The following CSMD1 variants were observed in gnomAD, a reference collection of about 807,000 sequenced individuals.
The protein encoded by CSMD1 is CUB and sushi domain-containing protein 1.
A neutral mutation model predicts 417.5 loss-of-function variants in CSMD1; 213 were observed. That is an observed-to-expected ratio of 0.51 (90% CI 0.46 to 0.57). CSMD1 has a LOEUF of 0.57. CSMD1 is among the 20% of genes least tolerant of loss of function. The pLI, the probability that CSMD1 is intolerant of heterozygous loss-of-function variation, is 0.00. For missense variants in CSMD1, 6,923 were observed against 4,529.7 expected, an observed-to-expected ratio of 1.53 and a Z score of -15.17; for synonymous variants, 2,862 against 1,736.8, an observed-to-expected ratio of 1.65 and a Z score of -16.11.
chr8:3,555,446 G>T (rs1452282805), intron 10 of CSMD1, among the ~76,000 whole-genome samples: 1 of 152,204 alleles, frequency 6.6e-6, no homozygotes, highest in South Asian at 2.1e-4. Flanking sequence ...GGGGTCAGGT[G>T]GCCCTGGCAG....
At chr8:3,729,746 C>G (rs1266604432) in intron 6 of CSMD1, among the ~76,000 whole-genome samples, 1 of 151,924 alleles carries the variant, frequency 6.6e-6, no homozygotes, top group African/African-American at 2.4e-5. Context: ...ATTTTAAAAG[C>G]TCTCACCACA....
At chr8:4,562,942 T>C (rs1798415641) in intron 2 of CSMD1, among the ~76,000 whole-genome samples, 2 of 152,206 alleles carry the variant, frequency 1.3e-5, no homozygotes, top group South Asian at 2.1e-4. Flanking sequence ...CTCTACTTTC[T>C]TAAACAGAAG....
At chr8:4,229,792 C>T (rs892470788) in intron 3 of CSMD1, among the ~76,000 whole-genome samples, 2 of 152,164 alleles carry the variant, frequency 1.3e-5, no homozygotes, top group Admixed American at 6.5e-5. Context: ...TCATCACTCA[C>T]TCCTTCCTTT....
chr8:3,408,289 C>G, intron 13 of CSMD1, 64 bp from the exon 14 acceptor site: 5 of 1,314,328 alleles, frequency 3.8e-6, no homozygotes, highest in Non-Finnish European at 5.2e-6. Context: ...CCATGTGAAA[C>G]AGACAGCTAA....
At chr8:4,411,954 A>G (rs1052925820) in intron 3 of CSMD1, among the ~76,000 whole-genome samples, 7 of 151,570 alleles carry the variant, frequency 4.6e-5, no homozygotes, top group African/African-American at 1.5e-4. Context: ...AGAACTTACG[A>G]TTTTTGATGA....
In CSMD1 at chr8:4,262,250, ATGG is replaced by A. The variant is rs1262342013; in HGVS notation, c.415+157700_415+157702del. On this transcript the variant is annotated intron_variant, in intron 3 of 69. Transcript: ENST00000635120. ...GGATCTGAGAGTGAAACTCCGGGGC[ATGG>A]TGGAGGATGCCCTCCCTCTGTTGAG... Among the ~76,000 whole-genome samples, 3 of 152,260 alleles carry A rather than the reference ATGG, an allele frequency of 2.0e-5. No homozygotes were observed. In the East Asian group the frequency reaches 5.8e-4, roughly 30 times the overall value.
chr8:4,085,374 G>C (rs941240098), intron 3 of CSMD1, among the ~76,000 whole-genome samples: 3 of 152,276 alleles, frequency 2.0e-5, no homozygotes, highest in Admixed American at 6.5e-5. Flanking sequence ...GGAAAAAGAA[G>C]CTATATTGGA....
intron 5 of CSMD1, among the ~76,000 whole-genome samples, chr8:3,852,639 A>C (rs888002800): frequency 1.3e-5 from 2 of 151,328 alleles, no homozygotes; most frequent in Non-Finnish European, 2.9e-5. Flanking sequence ...CATCAAAGTG[A>C]CCAAGGGGAA....
At chr8:4,374,032 A>C (rs1313897370) in intron 3 of CSMD1, among the ~76,000 whole-genome samples, 1 of 152,182 alleles carries the variant, frequency 6.6e-6, no homozygotes, top group Admixed American at 6.5e-5. Context: ...TTCTCAGTAA[A>C]AATACGTGAT....
chr8:4,441,282 T>TG (rs1410943790), intron 2 of CSMD1, among the ~76,000 whole-genome samples: 7 of 139,010 alleles, frequency 5.0e-5, no homozygotes, highest in Non-Finnish European at 1.1e-4. Context: ...TTTTTTTTTT[T>TG]GGTGGGGGGA....
intron 5 of CSMD1, among the ~76,000 whole-genome samples, chr8:3,828,969 T>C (rs1315871531): frequency 6.6e-6 from 1 of 152,192 alleles, no homozygotes; most frequent in East Asian, 1.9e-4. Flanking sequence ...GGCAACACAG[T>C]TCCTTAGGGT....
chr8:3,018,162 A>G (rs1348068130), intron 52 of CSMD1, among the ~76,000 whole-genome samples: 2 of 152,258 alleles, frequency 1.3e-5, no homozygotes, highest in Non-Finnish European at 2.9e-5. Context: ...TTAAAAACAT[A>G]AAATGTACAA....
At chr8:3,741,546 T>C (rs1439822067) in intron 6 of CSMD1, among the ~76,000 whole-genome samples, 3 of 152,238 alleles carry the variant, frequency 2.0e-5, no homozygotes, top group Admixed American at 2.0e-4. Context: ...TTTATTTCTA[T>C]CCATTTATGA....
intron 23 of CSMD1, among the ~76,000 whole-genome samples, chr8:3,310,342 C>T (rs76452965): frequency 0.083 from 12,615 of 152,094 alleles, 672 homozygotes; most frequent in Non-Finnish European, 0.12. Context: ...TGTAGTGTTA[C>T]TGGGTTTGCG....
At chr8:4,906,905 T>C (rs770290752) in intron 1 of CSMD1, among the ~76,000 whole-genome samples, 1 of 152,182 alleles carries the variant, frequency 6.6e-6, no homozygotes, top group South Asian at 2.1e-4. Context: ...TGTGAGTAAA[T>C]GTGGAAACTG....
At chr8:4,386,035 C>G (rs1050801534) in intron 3 of CSMD1, among the ~76,000 whole-genome samples, 3 of 152,116 alleles carry the variant, frequency 2.0e-5, no homozygotes, top group African/African-American at 7.2e-5. Flanking sequence ...TACGATTTCT[C>G]CAGTCTGTGC....
At chr8:3,144,163 C>T (rs768647054) in intron 40 of CSMD1, among the ~76,000 whole-genome samples, 8 of 152,062 alleles carry the variant, frequency 5.3e-5, no homozygotes, top group Non-Finnish European at 8.8e-5. Context: ...AATTTACAGG[C>T]GAGCAAACTA....
intron 1 of CSMD1, among the ~76,000 whole-genome samples, chr8:4,974,048 T>A (rs534209712): frequency 2.6e-5 from 4 of 152,238 alleles, no homozygotes; most frequent in Admixed American, 2.6e-4. Context: ...TTAGACAGAG[T>A]CTCACCCTGT....
intron 11 of CSMD1, among the ~76,000 whole-genome samples, chr8:3,476,769 T>C (rs1008886170): frequency 4.6e-5 from 7 of 151,928 alleles, no homozygotes; most frequent in South Asian, 4.2e-4. Context: ...AATATGAACA[T>C]TAGCCAGGCT....
Sources: allele counts gnomAD v4.1 joint callset (sites outside exome capture counted in the v4.1 genomes callset), GRCh38; gene constraint gnomAD v4.1.1; transcripts MANE v1.5; gene names NCBI Gene and HGNC (gene_info 2026-07-23, HGNC 2026-07-21).